ERBB4: variants seen among roughly 807,000 people sequenced by gnomAD.
ERBB4 encodes the protein receptor tyrosine-protein kinase erbB-4.
ERBB4 carries 42 observed loss-of-function variants against 158.0 expected under a neutral mutation model. The observed-to-expected ratio is 0.27, with a 90% CI of 0.21 to 0.34. The LOEUF is 0.34. Ranked by LOEUF, ERBB4 falls within the 10% of genes least tolerant of loss-of-function variation. ERBB4 has a pLI of 1.00. For missense variants in ERBB4, 1,333 were observed against 1,624.1 expected, an observed-to-expected ratio of 0.82 and a Z score of 3.08; for synonymous variants, 583 against 558.7, an observed-to-expected ratio of 1.04 and a Z score of -0.61.
At chr2:212,367,618 A>G (rs1468460068) in intron 1 of ERBB4, among the ~76,000 whole-genome samples, 2 of 152,160 alleles carry the variant, frequency 1.3e-5, no homozygotes, top group African/African-American at 2.4e-5. Context: ...GCTTTTGTAC[A>G]GCAAAAGGAA....
At chr2:211,981,335 G>A (rs1319571974) in intron 2 of ERBB4, among the ~76,000 whole-genome samples, 1 of 152,128 alleles carries the variant, frequency 6.6e-6, no homozygotes, top group Non-Finnish European at 1.5e-5. Context: ...GGTATATACA[G>A]AGCAAAATTC....
chr2:211,624,904 G>A (rs1391646324), intron 17 of ERBB4, among the ~76,000 whole-genome samples: 1 of 152,084 alleles, frequency 6.6e-6, no homozygotes, highest in East Asian at 1.9e-4. Context: ...TCAGAAGGGT[G>A]AGAGTACGGT....
At chr2:211,624,157 A>C in intron 17 of ERBB4, 113 bp from the exon 18 acceptor site, 1 of 1,380,396 alleles carries the variant, frequency 7.2e-7, no homozygotes, top group South Asian at 1.2e-5. Flanking sequence ...AAAACACACC[A>C]ACTTGGTTTG....
chr2:212,344,053 A>C (rs1448345342), intron 1 of ERBB4, among the ~76,000 whole-genome samples: 2 of 152,218 alleles, frequency 1.3e-5, no homozygotes, highest in African/African-American at 2.4e-5. Context: ...TTTATTTTGC[A>C]TAATTTGCTG....
At chr2:211,723,822 T>C (rs1036003892) in intron 6 of ERBB4, among the ~76,000 whole-genome samples, 1 of 152,190 alleles carries the variant, frequency 6.6e-6, no homozygotes, top group African/African-American at 2.4e-5. Context: ...TGCGACAGCA[T>C]ACAAAACAAT....
chr2:212,287,583 C>G (rs1574605047), intron 1 of ERBB4, among the ~76,000 whole-genome samples: 2 of 152,020 alleles, frequency 1.3e-5, no homozygotes, highest in African/African-American at 4.8e-5. Context: ...ATGAGATGAC[C>G]TTATTTCCCT....
At chr2:211,913,239 A>G (rs1438020007) in intron 3 of ERBB4, among the ~76,000 whole-genome samples, 1 of 152,150 alleles carries the variant, frequency 6.6e-6, no homozygotes, top group Non-Finnish European at 1.5e-5. Flanking sequence ...TAAATAAGAA[A>G]ATCTATTTAC....
intron 2 of ERBB4, among the ~76,000 whole-genome samples, chr2:212,043,697 G>A (rs947793568): frequency 3.9e-5 from 6 of 152,076 alleles, no homozygotes; most frequent in Non-Finnish European, 7.4e-5. Context: ...CAGAGAATAA[G>A]TGAATAAGAA....
intron 1 of ERBB4, among the ~76,000 whole-genome samples, chr2:212,195,452 T>C (rs1343234885): frequency 4.0e-5 from 6 of 151,424 alleles, no homozygotes; most frequent in African/African-American, 1.5e-4. Context: ...TTTAAAACTA[T>C]TTTTAATTAG....
chr2:211,465,739 C>G (rs979924823), intron 20 of ERBB4, among the ~76,000 whole-genome samples: 1 of 152,074 alleles, frequency 6.6e-6, no homozygotes, highest in Non-Finnish European at 1.5e-5. Context: ...ACTTGCCGGT[C>G]GAGAGTAGCC....
intron 1 of ERBB4, among the ~76,000 whole-genome samples, chr2:212,475,181 G>T (rs1050123986): frequency 6.6e-6 from 1 of 152,076 alleles, no homozygotes; most frequent in Non-Finnish European, 1.5e-5. Flanking sequence ...CTCTAGCTAT[G>T]CCAGCTTTAT....
intron 3 of ERBB4, among the ~76,000 whole-genome samples, chr2:211,833,159 T>A (rs1049299870): frequency 3.3e-5 from 5 of 152,122 alleles, no homozygotes; most frequent in African/African-American, 7.2e-5. Flanking sequence ...GTAATCACAA[T>A]CTATCAGGAT....
chr2:211,429,530 C>G (rs2063705883), intron 21 of ERBB4, among the ~76,000 whole-genome samples: 1 of 152,164 alleles, frequency 6.6e-6, no homozygotes. Context: ...GATGGGTCAG[C>G]AGAATGAGTT....
chr2:212,096,268 T>C (rs1422323760), intron 2 of ERBB4, among the ~76,000 whole-genome samples: 1 of 143,760 alleles, frequency 7.0e-6, no homozygotes, highest in African/African-American at 2.4e-5. Context: ...AAATCCCAGA[T>C]TTTAGAACTT....
At chr2:212,257,250 A>AT in intron 1 of ERBB4, among the ~76,000 whole-genome samples, 1 of 152,202 alleles carries the variant, frequency 6.6e-6, no homozygotes, top group East Asian at 1.9e-4. Context: ...CTAAAGATAT[A>AT]TTAATAGATC....
At chr2:212,531,750 A>G (rs1242294289) in intron 1 of ERBB4, among the ~76,000 whole-genome samples, 1 of 152,158 alleles carries the variant, frequency 6.6e-6, no homozygotes, top group Non-Finnish European at 1.5e-5. Context: ...AAAGAAAAGA[A>G]ACTCTTAAAA....
intron 4 of ERBB4, among the ~76,000 whole-genome samples, chr2:211,774,323 C>T (rs925704601): frequency 1.3e-5 from 2 of 152,012 alleles, no homozygotes; most frequent in African/African-American, 2.4e-5. Context: ...GCCCCTGCCT[C>T]GGCCTCCCAA....
At chr2:211,759,488 C>A (rs776350455) in intron 4 of ERBB4, among the ~76,000 whole-genome samples, 1 of 152,056 alleles carries the variant, frequency 6.6e-6, no homozygotes, top group South Asian at 2.1e-4. Flanking sequence ...TATTTTCCTC[C>A]GGGCTTACTC....
chr2:211,599,044 AAG>A (rs201562210), intron 19 of ERBB4, among the ~76,000 whole-genome samples: 1 of 152,148 alleles, frequency 6.6e-6, no homozygotes, highest in Non-Finnish European at 1.5e-5. Context: ...GAGATTAAAC[AAG>A]GTAAGATACA....
Sources: allele counts gnomAD v4.1 joint callset (sites outside exome capture counted in the v4.1 genomes callset), GRCh38; gene constraint gnomAD v4.1.1; transcripts MANE v1.5; gene names NCBI Gene and HGNC (gene_info 2026-07-23, HGNC 2026-07-21).